Variants in GABBR2 observed in about 807,000 individuals in gnomAD.
The protein encoded by GABBR2 is gamma-aminobutyric acid type B receptor subunit 2.
GABBR2 carries 23 observed loss-of-function variants against 105.6 expected under a neutral mutation model. The observed-to-expected ratio is 0.22, with a 90% CI of 0.16 to 0.31. The LOEUF (loss-of-function observed/expected upper bound fraction) is 0.31. GABBR2 is among the 10% of genes least tolerant of loss of function. The probability of loss-of-function intolerance (pLI) is 1.00; values close to 1 mark genes in which losing one functional copy is unlikely to be tolerated. For synonymous variants in GABBR2, 478 were observed against 499.7 expected (o/e 0.96, Z 0.58); for missense variants, 734 against 1,245.5 (o/e 0.59, Z 6.18).
intron 6 of GABBR2, among the ~76,000 whole-genome samples, chr9:98,459,209 C>T (rs1826380729): frequency 6.6e-6 from 1 of 152,166 alleles, no homozygotes; most frequent in Non-Finnish European, 1.5e-5. Context: ...CAGACTTCCA[C>T]TCTATGATGA....
chr9:98,355,966 C>T (rs1554694289), intron 13 of GABBR2, among the ~76,000 whole-genome samples: 1 of 152,158 alleles, frequency 6.6e-6, no homozygotes, highest in Admixed American at 6.5e-5. Flanking sequence ...GAGAAAAGAT[C>T]GTCTTTTCAG....
intron 16 of GABBR2, among the ~76,000 whole-genome samples, chr9:98,301,551 G>A (rs1194567359): frequency 5.9e-5 from 9 of 152,238 alleles, no homozygotes; most frequent in African/African-American, 1.7e-4. Context: ...ACGTTTTCAT[G>A]TGGAGGAGGA....
rs1205986296 is a variant in GABBR2 at position 98,528,843 on chromosome 9, T to A, written c.630+13030A>T. Among the ~76,000 whole-genome samples the A allele has an allele frequency of 3.9e-5, 6 of 152,314 alleles. No homozygotes were observed. In the East Asian group the frequency reaches 1.2e-3, roughly 29 times the overall value. On this transcript the variant is annotated intron_variant, in intron 3 of 18. Coordinates refer to ENST00000259455, the MANE Select transcript of GABBR2 (RefSeq NM_005458.8). Reference sequence around the variant, plus strand: ...GCTATGAAACTCTAAATTGGCATGATCTTTCTGGAGGACAATTTGGCAATA... The same window carrying A: ...GCTATGAAACTCTAAATTGGCATGAACTTTCTGGAGGACAATTTGGCAATA...
chr9:98,341,511 A>G (rs985139468), intron 13 of GABBR2, among the ~76,000 whole-genome samples: 1 of 152,262 alleles, frequency 6.6e-6, no homozygotes, highest in Admixed American at 6.5e-5. Flanking sequence ...TCAGAAGGTG[A>G]GATAATCCTC....
At position 98,454,173 on chromosome 9, in the gene GABBR2, G is replaced by C; in HGVS notation, c.1044C>G (p.Gly348=). The change falls in exon 7 of 19, where the codon GGC becomes GGG. Residue 348 remains glycine, a synonymous_variant. Coordinates refer to ENST00000259455, the MANE Select transcript of GABBR2 (RefSeq NM_005458.8). This position sits in a 1 kb window ranked among gnomAD's most constrained non-coding sequence, Gnocchi z 4.6. ...ACCCGTGGAACTTGCTGGGCCCCAC[G>C]CCTGACCGCTTGTTGTTGTACTCTC... ...YEREYNNKRS[G]VGPSKFHGYA... The C allele has an allele frequency of 6.2e-7, 1 of 1,614,024 alleles. No homozygotes were observed.
intron 1 of GABBR2, among the ~76,000 whole-genome samples, chr9:98,651,375 C>T (rs1588269484): frequency 1.3e-5 from 2 of 152,218 alleles, no homozygotes; most frequent in East Asian, 3.9e-4. Flanking sequence ...AACTCCTGAC[C>T]TCAGCCTCCC....
intron 2 of GABBR2, among the ~76,000 whole-genome samples, chr9:98,576,400 C>T (rs1259879047): frequency 6.6e-6 from 1 of 152,156 alleles, no homozygotes; most frequent in Non-Finnish European, 1.5e-5. Flanking sequence ...TCCTTCTCAC[C>T]CTTTGGGTCT....
chr9:98,313,815 G>A (rs986913349), intron 13 of GABBR2, among the ~76,000 whole-genome samples: 5 of 152,262 alleles, frequency 3.3e-5, no homozygotes, highest in Middle Eastern at 3.4e-3. Flanking sequence ...GACGGGTAGC[G>A]TTTAGAAACT....
chr9:98,651,817 A>G (rs1005940366), intron 1 of GABBR2, among the ~76,000 whole-genome samples: 1 of 152,234 alleles, frequency 6.6e-6, no homozygotes, highest in Admixed American at 6.5e-5. Flanking sequence ...TCAAACACTT[A>G]TGACATTTAT....
At chr9:98,656,453 G>T (rs1263898504) in intron 1 of GABBR2, among the ~76,000 whole-genome samples, 1 of 151,954 alleles carries the variant, frequency 6.6e-6, no homozygotes, top group Admixed American at 6.6e-5. Flanking sequence ...AAAAACAACA[G>T]TTGAGCTGAT....
At chr9:98,295,687 G>A (rs900401115) in intron 17 of GABBR2, among the ~76,000 whole-genome samples, 12 of 152,006 alleles carry the variant, frequency 7.9e-5, no homozygotes, top group African/African-American at 2.7e-4. Context: ...TACCATGCCC[G>A]GCTAATTTTT....
In GABBR2 at chr9:98,425,428, T is replaced by C. The variant is rs146571001; in HGVS notation, c.1237-19287A>G. Among the ~76,000 whole-genome samples the C allele has an allele frequency of 8.3e-3, 1,257 of 152,282 alleles. 13 individuals carry two copies. Among genetic ancestry groups the C allele is most frequent in the Admixed American group, 0.016 (246 of 15,306 alleles). On this transcript the variant is annotated intron_variant, in intron 7 of 18. Transcript: ENST00000259455. ...AGGTCTGTGCTTGGTACACATGTGT[T>C]TGTTCATTCAATTAGTCATTTGTGC...
At chr9:98,687,260 A>C (rs1830631182) in intron 1 of GABBR2, among the ~76,000 whole-genome samples, 1 of 151,824 alleles carries the variant, frequency 6.6e-6, no homozygotes, top group Admixed American at 6.6e-5. Context: ...CACGGACGGA[A>C]CATTACTATG....
chr9:98,398,270 T>C (rs1832329362), intron 8 of GABBR2, among the ~76,000 whole-genome samples: 1 of 152,086 alleles, frequency 6.6e-6, no homozygotes, highest in African/African-American at 2.4e-5. Context: ...AAACAAAAGA[T>C]GATCTTGGCT....
At chr9:98,556,976 C>A (rs1206811209) in intron 2 of GABBR2, among the ~76,000 whole-genome samples, 1 of 152,146 alleles carries the variant, frequency 6.6e-6, no homozygotes, top group Non-Finnish European at 1.5e-5. Context: ...CCTGGGAGGT[C>A]AATTCTGCAG....
At chr9:98,492,985 C>T (rs1209457965) in intron 4 of GABBR2, among the ~76,000 whole-genome samples, 1 of 152,148 alleles carries the variant, frequency 6.6e-6, no homozygotes, top group East Asian at 1.9e-4. Context: ...TTATGACCTA[C>T]CTCTTTGGAG....
At chr9:98,691,695 T>C (rs1195685744) in intron 1 of GABBR2, among the ~76,000 whole-genome samples, 1 of 152,222 alleles carries the variant, frequency 6.6e-6, no homozygotes, top group Non-Finnish European at 1.5e-5. Flanking sequence ...TGGCCACATC[T>C]GAATGGCTCA....
intron 8 of GABBR2, among the ~76,000 whole-genome samples, chr9:98,400,622 T>C (rs369651746): frequency 1.3e-5 from 2 of 152,162 alleles, no homozygotes; most frequent in African/African-American, 4.8e-5. Context: ...GACCTGGGTG[T>C]CCGTCCCAGG....
intron 1 of GABBR2, among the ~76,000 whole-genome samples, chr9:98,616,865 T>C (rs1829593812): frequency 6.6e-6 from 1 of 152,152 alleles, no homozygotes; most frequent in African/African-American, 2.4e-5. Flanking sequence ...ATAAGTGAGG[T>C]ATTGATGTAT....
Sources: allele counts gnomAD v4.1 joint callset (sites outside exome capture counted in the v4.1 genomes callset), GRCh38; gene constraint gnomAD v4.1.1; non-coding constraint Gnocchi (gnomAD v3.1); transcripts MANE v1.5; gene names NCBI Gene and HGNC (gene_info 2026-07-23, HGNC 2026-07-21).